CDH4: variants seen among roughly 807,000 people sequenced by gnomAD.
CDH4 encodes cadherin 4.
In CDH4, 33 loss-of-function variants were observed where a neutral mutation model predicts 86.0. That is an observed-to-expected ratio of 0.38 (90% confidence interval 0.29 to 0.51). The LOEUF (loss-of-function observed/expected upper bound fraction) is 0.51, where lower values mean the gene tolerates loss of function less well. CDH4 is among the 20% of genes least tolerant of loss of function. The pLI, the probability that CDH4 is intolerant of heterozygous loss-of-function variation, is 0.86. For missense variants in CDH4, 1,114 were observed against 1,307.4 expected (o/e 0.85, Z 2.28); for synonymous variants, 555 against 549.4 (o/e 1.01, Z -0.14).
At chr20:61,820,721 C>A (rs146768644) in intron 4 of CDH4, among the ~76,000 whole-genome samples, 1 of 152,172 alleles carries the variant, frequency 6.6e-6, no homozygotes, top group Non-Finnish European at 1.5e-5. Flanking sequence ...CTTTGAAACC[C>A]CTGGGTTACT....
intron 2 of CDH4, among the ~76,000 whole-genome samples, chr20:61,290,457 G>T (rs2084314800): frequency 6.7e-6 from 1 of 148,830 alleles, no homozygotes; most frequent in African/African-American, 2.5e-5. Context: ...GAGACTTGCT[G>T]GATTTATCCC....
chr20:61,836,224 G>A (rs1322751348), intron 4 of CDH4, among the ~76,000 whole-genome samples: 4 of 152,294 alleles, frequency 2.6e-5, no homozygotes, highest in South Asian at 2.1e-4. Flanking sequence ...GAACAATGAC[G>A]CCCCCGGAGT....
At position 61,383,405 on chromosome 20, in the gene CDH4, A is replaced by G. The variant is rs1385235574; in HGVS notation, c.169+128468A>G. Among the ~76,000 whole-genome samples, 5 of 64,970 alleles carry G rather than the reference A, an allele frequency of 7.7e-5. 1 individual carries two copies. Among genetic ancestry groups the G allele is most frequent in the African/African-American group, 2.4e-4 (2 of 8,342 alleles). The allele number at this position is 64,970 out of a possible 152,430, so 42.6% of individuals were successfully genotyped here. A position where few individuals can be genotyped will look rare whatever the true frequency, so the allele number is the denominator to read the frequency against. On this transcript the variant is annotated intron_variant, in intron 2 of 15. Transcript: ENST00000614565. Reference sequence around the variant, plus strand: ...TATATATGAATATATGATATATATGAATATATATGATATATATGATATATA... The same window carrying G: ...TATATATGAATATATGATATATATGGATATATATGATATATATGATATATA...
intron 2 of CDH4, among the ~76,000 whole-genome samples, chr20:61,652,934 A>ATTTATTTTTTTATTT (rs1170029862): frequency 4.9e-5 from 5 of 103,026 alleles, no homozygotes; most frequent in African/African-American, 1.6e-4. Context: ...TTATTTATTT[A>ATTTATTTTTTTATTT]TTTATTTTTT....
At position 61,829,623 on chromosome 20, in the gene CDH4, G is replaced by A. The variant is rs1216585000; in HGVS notation, c.577-15045G>A. Among the ~76,000 whole-genome samples the A allele has an allele frequency of 1.3e-5, 2 of 152,216 alleles. No individual in the cohort carries two copies. The highest frequency in any genetic ancestry group is 3.9e-4 in the East Asian group (2 of 5,178). On this transcript the variant is annotated intron_variant, in intron 4 of 15. Coordinates refer to ENST00000614565, the MANE Select transcript of CDH4 (RefSeq NM_001794.5). The surrounding 1 kb of genome is among the most constrained non-coding windows in gnomAD (Gnocchi z 4.2). ...CCTCCTGTTGAGGAAGCCCTGGCGA[G>A]TGGGGGCTCCTCTGCCAAGCATTAA...
At chr20:61,338,012 T>C (rs1479522125) in intron 2 of CDH4, among the ~76,000 whole-genome samples, 3 of 152,284 alleles carry the variant, frequency 2.0e-5, no homozygotes, top group South Asian at 4.1e-4. Flanking sequence ...CTACTCTTCA[T>C]TGGGGTCTTT....
chr20:61,733,028 G>C (rs8124461), intron 2 of CDH4, among the ~76,000 whole-genome samples: 25,478 of 151,830 alleles, frequency 0.17, 2,689 homozygotes, highest in East Asian at 0.49. Context: ...GAAAACGGGG[G>C]TGCTCTGGGC....
intron 6 of CDH4, among the ~76,000 whole-genome samples, chr20:61,862,748 C>T (rs774745899): frequency 2.0e-5 from 3 of 152,218 alleles, no homozygotes; most frequent in Non-Finnish European, 2.9e-5. Context: ...CTAAAAAGGG[C>T]TCTAATCGGG....
intron 2 of CDH4, among the ~76,000 whole-genome samples, chr20:61,491,287 C>T (rs1000591616): frequency 1.3e-5 from 2 of 152,212 alleles, no homozygotes; most frequent in African/African-American, 4.8e-5. Context: ...CAGTTCCACA[C>T]AGGTTACTTG....
At chr20:61,612,111 ATG>A (rs569856647) in intron 2 of CDH4, among the ~76,000 whole-genome samples, 207 of 152,262 alleles carry the variant, frequency 1.4e-3, no homozygotes, top group Middle Eastern at 0.01. Flanking sequence ...AGTCATAAAA[ATG>A]TGCATATTTT....
At position 61,852,767 on chromosome 20, in the gene CDH4, C is replaced by T; in HGVS notation, c.746C>T (p.Ala249Val). 1 of 1,612,868 alleles carries T rather than the reference C, an allele frequency of 6.2e-7. No individual in the cohort carries two copies. The highest frequency in any genetic ancestry group is 1.3e-5 in the African/African-American group (1 of 75,034). Residue 249 changes from alanine to valine, a missense_variant, in exon 6 of 16, where the codon GCT (alanine) becomes GTT (valine). Ala to Val is a moderately conservative substitution (Grantham distance 64, BLOSUM62 0). Transcript: ENST00000614565. Reference sequence around the variant, plus strand: ...CTGCTTTTCCAGCTCCGAGCCCACGCTGTGGACATGAATGGCAACAAGGTG... The same window carrying T: ...CTGCTTTTCCAGCTCCGAGCCCACGTTGTGGACATGAATGGCAACAAGGTG... Reference protein sequence around the residue: ...EHASYHLRAHAVDMNGNKVEN... With the variant: ...EHASYHLRAHVVDMNGNKVEN...
At chr20:61,513,834 C>A (rs984881925) in intron 2 of CDH4, among the ~76,000 whole-genome samples, 1 of 152,166 alleles carries the variant, frequency 6.6e-6, no homozygotes, top group Admixed American at 6.5e-5. Context: ...GGCATCTGAG[C>A]CCCACAGCAT....
chr20:61,822,195 C>T (rs1387184238), intron 4 of CDH4, among the ~76,000 whole-genome samples: 4 of 152,230 alleles, frequency 2.6e-5, no homozygotes, highest in African/African-American at 4.8e-5. Flanking sequence ...GTGTTCATTA[C>T]GTGAGTCCTG....
chr20:61,374,840 G>A (rs931793196), intron 2 of CDH4, among the ~76,000 whole-genome samples: 4 of 152,156 alleles, frequency 2.6e-5, no homozygotes, highest in Non-Finnish European at 5.9e-5. Flanking sequence ...AAACAGTTGC[G>A]ACCTATTTCT....
intron 2 of CDH4, among the ~76,000 whole-genome samples, chr20:61,274,299 G>C (rs2084211363): frequency 1.5e-5 from 2 of 137,138 alleles, no homozygotes; most frequent in South Asian, 2.5e-4. Context: ...ATGCAGTTTG[G>C]GGGAGTACTA....
chr20:61,419,364 C>A (rs1210247276), intron 2 of CDH4, among the ~76,000 whole-genome samples: 4 of 152,206 alleles, frequency 2.6e-5, no homozygotes, highest in Non-Finnish European at 5.9e-5. Flanking sequence ...ATCTTTCTGC[C>A]ACTGCTAATC....
At chr20:61,429,619 G>A (rs529800343) in intron 2 of CDH4, among the ~76,000 whole-genome samples, 56 of 150,700 alleles carry the variant, frequency 3.7e-4, no homozygotes, top group Non-Finnish European at 6.5e-4. Flanking sequence ...TGGTGGGTGG[G>A]TGGATGTGTG....
intron 2 of CDH4, among the ~76,000 whole-genome samples, chr20:61,275,968 A>G (rs2084229252): frequency 6.6e-6 from 1 of 152,184 alleles, no homozygotes. Context: ...GGATTTTGAT[A>G]AGGCTGGCCG....
In CDH4 at chr20:61,709,970, A is replaced by T. The variant is rs2087872210; in HGVS notation, c.170-33593A>T. On this transcript the variant is annotated intron_variant, in intron 2 of 15. Transcript: ENST00000614565. This position sits in a 1 kb window ranked among gnomAD's most constrained non-coding sequence, Gnocchi z 4.8. ...CAAGACCATCTGTGTGTTGTAGGGA[A>T]AAGTTTGCCACCAACAGCGAGTTTA... 6.6e-6 allele frequency among the ~76,000 whole-genome samples: 1 copy of T among 152,166 alleles called. No individual in the cohort carries two copies.
Sources: gnomAD v4.1 joint callset for allele counts (sites outside exome capture counted in the v4.1 genomes callset) on GRCh38, gnomAD v4.1.1 for gene constraint, Gnocchi (gnomAD v3.1) non-coding constraint, MANE v1.5 for transcripts, NCBI Gene and HGNC (gene_info 2026-07-23, HGNC 2026-07-21) for gene names.